ICE2: variants seen among roughly 807,000 people sequenced by gnomAD.
The protein encoded by ICE2 is interactor of little elongation complex ELL subunit 2.
A neutral mutation model predicts 105.4 loss-of-function variants in ICE2; 87 were observed. The ratio of observed to expected loss-of-function variants is 0.83; its 90% CI spans 0.69 to 0.99. The LOEUF (loss-of-function observed/expected upper bound fraction) is 0.99. Among genes scored for constraint, ICE2 ranks in the 50% least tolerant of loss-of-function variants. ICE2 has a pLI of 0.00. For synonymous variants in ICE2, 399 were observed against 392.0 expected (o/e 1.02, Z -0.21); for missense variants, 1,323 against 1,146.7 (o/e 1.15, Z -2.22).
intron 12 of ICE2, chr15:60,440,722 A>G (rs900390621): frequency 2.0e-5 from 3 of 152,194 alleles, no homozygotes; most frequent in Non-Finnish European, 4.4e-5. Context: ...TTAAATTAAA[A>G]GAGTATTATA....
Position 60,444,994 on chromosome 15 carries a change from T to A in ICE2, c.2296-2449A>T, listed in dbSNP as rs1046024093. Among the ~76,000 whole-genome samples the A allele has an allele frequency of 4.6e-5, 7 of 152,212 alleles. No homozygotes were observed. In the East Asian group the frequency reaches 1.2e-3, roughly 25 times the overall value. ...GCCACCGTGCCTGGCCTAGCCTCTT[T>A]ATTTTATCCCATCACTTGAGACTGG... On this transcript the variant is annotated intron_variant, in intron 11 of 15. Transcript: ENST00000261520.
chr15:60,475,946 TTTTAC>T lies in ICE2; in HGVS notation c.146+112_146+116del, dbSNP rs569868960. On this transcript the variant is annotated intron_variant, in intron 3 of 15. Transcript: ENST00000261520. ...AGATAAATACCAGTGTTAAAAGTTG[TTTTAC>T]TTTAAACATTTCTATAATTTGAATG... The T allele has an allele frequency of 9.7e-4, 646 of 664,066 alleles. 2 individuals carry two copies. The highest frequency in any genetic ancestry group is 1.4e-3 in the Non-Finnish European group (573 of 404,886). 41.1% of individuals were successfully genotyped at this position (664,066 alleles called of 1,614,324 possible). A position where few individuals can be genotyped will look rare whatever the true frequency, so the allele number is the denominator to read the frequency against.
At chr15:60,466,493 A>G in intron 5 of ICE2, 101 bp downstream of exon 5, 1 of 1,368,418 alleles carries the variant, frequency 7.3e-7, no homozygotes, top group Non-Finnish European at 1.0e-6. Flanking sequence ...AATTGGTAAC[A>G]CTGACAGTTC....
intron 5 of ICE2, 41 bp from the exon 6 acceptor site, chr15:60,456,835 T>A: frequency 7.5e-7 from 1 of 1,331,722 alleles, no homozygotes; most frequent in Non-Finnish European, 1.0e-6. Context: ...TGTATTTCTC[T>A]AATAATGCAA....
chr15:60,460,955 A>G (rs2064260258), intron 5 of ICE2, among the ~76,000 whole-genome samples: 1 of 152,162 alleles, frequency 6.6e-6, no homozygotes, highest in South Asian at 2.1e-4. Flanking sequence ...TGACACTTCC[A>G]GTTGGATAAC....
Position 60,436,225 on chromosome 15 carries a change from G to A in ICE2, c.2428C>T (p.His810Tyr), listed in dbSNP as rs778103734. Residue 810 changes from histidine to tyrosine, a missense_variant and splice_region_variant, in exon 13 of 16, where the codon CAT becomes TAT. Coordinates refer to ENST00000261520, the MANE Select transcript of ICE2 (RefSeq NM_024611.6). ...LHSNSSFYVG[H>Y]IDAFTSKLFL... ...AGTTTTGAAGTAAATGCATCGATAT[G>A]CCCTAAAATAAAATATCAAACTTAG... 3.1e-6 allele frequency: 4 copies of A among 1,281,056 alleles called. No homozygotes were observed. The highest frequency in any genetic ancestry group is 1.6e-5 in the South Asian group (1 of 62,530). The allele number at this position is 1,281,056 out of a possible 1,614,324, so 79.4% of individuals were successfully genotyped here.
In ICE2 at chr15:60,446,405, A is replaced by AT. The variant is rs147054320; in HGVS notation, c.2295+1564dup. ...GTGGAAAAGTTGGCACTTTTTAAAA[A>AT]TTTTTTTTGAGATAGAGTCTCACTC... On this transcript the variant is annotated intron_variant, in intron 11 of 15. Transcript: ENST00000261520. Among the ~76,000 whole-genome samples the AT allele has an allele frequency of 1.5e-3, 230 of 151,950 alleles. 1 individual carries two copies. The highest frequency in any genetic ancestry group is 7.7e-3 in the South Asian group (37 of 4,806).
Position 60,455,318 on chromosome 15 carries a change from G to C in ICE2, c.783+8C>G, listed in dbSNP as rs774721912. ...TTTAGGAAGATCCAATGTTGCCTTG[G>C]TACTTACATAATGCATAGCTTCAGC... On this transcript the variant is annotated splice_region_variant and intron_variant, in intron 7 of 15. Coordinates refer to ENST00000261520, the MANE Select transcript of ICE2 (RefSeq NM_024611.6). The C allele has an allele frequency of 2.5e-6, 4 of 1,596,326 alleles. No homozygotes were observed. Among genetic ancestry groups the C allele is most frequent in the Non-Finnish European group, 2.6e-6 (3 of 1,164,736 alleles).
intron 11 of ICE2, chr15:60,445,404 T>C: frequency 4.6e-6 from 1 of 217,510 alleles, no homozygotes; most frequent in Non-Finnish European, 7.8e-6. Flanking sequence ...ATAAAATATT[T>C]TGGACAAACA....
intron 12 of ICE2, chr15:60,438,345 T>C (rs1381854696): frequency 6.6e-6 from 1 of 152,204 alleles, no homozygotes; most frequent in African/African-American, 2.4e-5. Flanking sequence ...TGCACATAAT[T>C]TAATGTTTCA....
At chr15:60,445,630 T>C (rs1311008074) in intron 11 of ICE2, 8 of 981,166 alleles carry the variant, frequency 8.2e-6, no homozygotes, top group Non-Finnish European at 9.7e-6. Flanking sequence ...AATTTTCTTC[T>C]ATAAGGTTAT....
chr15:60,455,386 C>CCAA lies in ICE2; in HGVS notation c.722_723insTTG (p.Leu241_Ser242insTrp). The CCAA allele has an allele frequency of 6.2e-7, 1 of 1,613,954 alleles. No homozygotes were observed. Among genetic ancestry groups the CCAA allele is most frequent in the Non-Finnish European group, 8.5e-7 (1 of 1,179,944 alleles). On this transcript the variant is annotated inframe_insertion, in exon 7 of 16. Coordinates refer to ENST00000261520, the MANE Select transcript of ICE2 (RefSeq NM_024611.6). ...CAATGGTAGCTATATCGTCCTTTGA[C>CCAA]AGCTGCAACTTTATAGGCATTGAGG...
intron 11 of ICE2, 152 bp from the exon 12 acceptor site, chr15:60,442,697 T>C: frequency 1.7e-6 from 1 of 584,032 alleles, no homozygotes; most frequent in Admixed American, 3.7e-5. Flanking sequence ...GTAAGATGGA[T>C]ACATTCAGGC....
chr15:60,463,437 A>AG (rs1320580958), intron 5 of ICE2, among the ~76,000 whole-genome samples: 1 of 152,216 alleles, frequency 6.6e-6, no homozygotes, highest in Admixed American at 6.5e-5. Context: ...ACTGAATGAA[A>AG]GAAGGAAGGC....
intron 13 of ICE2, among the ~76,000 whole-genome samples, chr15:60,432,246 G>A (rs1467091622): frequency 1.4e-5 from 2 of 144,246 alleles, no homozygotes; most frequent in Non-Finnish European, 3.0e-5. Context: ...TGAGTGCAGT[G>A]GCGCAATCTC....
At chr15:60,426,229 A>G (rs565807925) in intron 15 of ICE2, among the ~76,000 whole-genome samples, 7 of 152,370 alleles carry the variant, frequency 4.6e-5, no homozygotes, top group Non-Finnish European at 8.8e-5. Flanking sequence ...ATGGAGCTGA[A>G]AAATTTCTAT....
chr15:60,449,181 C>T lies in ICE2; in HGVS notation c.1786G>A (p.Gly596Ser). The change falls in exon 10 of 16, where the codon GGT (glycine) becomes AGT (serine). Residue 596 changes from glycine (G) to serine (S), a missense_variant. By Grantham distance (56) the Gly-to-Ser change is moderately conservative. Coordinates refer to ENST00000261520, the MANE Select transcript of ICE2 (RefSeq NM_024611.6). ...GCTGGTCTGGAACTTAAGTTAGAAC[C>T]CACAACAGCTGTCTTTCCATCACTA... is the stretch of plus-strand genomic sequence containing the variant. ...NNSDGKTAVVGSNLSSRPASP... is the reference protein window; with the variant it reads ...NNSDGKTAVVSSNLSSRPASP... 6.2e-7 allele frequency: 1 copy of T among 1,614,044 alleles called. No homozygotes were observed. Among genetic ancestry groups the T allele is most frequent in the African/African-American group, 1.3e-5 (1 of 75,020 alleles).
At chr15:60,442,723 ATGTT>A (rs986897389) in intron 11 of ICE2, 178 bp from the exon 12 acceptor site, 1 of 465,270 alleles carries the variant, frequency 2.1e-6, no homozygotes, top group Non-Finnish European at 3.8e-6. Context: ...GAATAGAAGA[ATGTT>A]TGGTGCCAAA....
At chr15:60,466,861 T>C (rs924968183) in intron 4 of ICE2, 148 bp from the exon 5 acceptor site, 13 of 675,302 alleles carry the variant, frequency 1.9e-5, no homozygotes, top group African/African-American at 5.4e-5. Flanking sequence ...GTAAAAATTA[T>C]TATGCAGTAA....
Sources: allele counts gnomAD v4.1 joint callset (sites outside exome capture counted in the v4.1 genomes callset), GRCh38; gene constraint gnomAD v4.1.1; transcripts MANE v1.5; gene names NCBI Gene and HGNC (gene_info 2026-07-23, HGNC 2026-07-21).